The following IFT74 variants were observed in gnomAD, a reference collection of about 807,000 sequenced individuals.
The protein encoded by IFT74 is intraflagellar transport 74.
Under a neutral mutation model 96.7 loss-of-function variants are expected in IFT74, and 92 were observed. That is an observed-to-expected ratio of 0.95 (90% confidence interval 0.80 to 1.13). The LOEUF is 1.13. Among genes scored for constraint, IFT74 ranks in the 50% most tolerant of loss-of-function variants. The pLI is 0.00. For missense variants in IFT74, 811 were observed against 698.2 expected (o/e 1.16, Z -1.82); for synonymous variants, 223 against 213.2 (o/e 1.05, Z -0.40).
At chr9:26,948,993 C>A (rs994115117) in intron 1 of IFT74, among the ~76,000 whole-genome samples, 1 of 152,074 alleles carries the variant, frequency 6.6e-6, no homozygotes, top group Non-Finnish European at 1.5e-5. Context: ...TAGTTCAACA[C>A]CAGTTTATCT....
chr9:27,015,248 C>T (rs1829285482), intron 10 of IFT74, among the ~76,000 whole-genome samples: 1 of 152,102 alleles, frequency 6.6e-6, no homozygotes, highest in African/African-American at 2.4e-5. Flanking sequence ...TAATCTGTTA[C>T]TTGAACTGTA....
intron 4 of IFT74, 44 bp from the exon 5 acceptor site, chr9:26,984,213 C>A: frequency 6.8e-7 from 1 of 1,468,818 alleles, no homozygotes; most frequent in South Asian, 1.3e-5. Flanking sequence ...CTAGAGTTTT[C>A]TGGATTAAAA....
chr9:26,988,826 A>G (rs1353954743), intron 7 of IFT74, 98 bp downstream of exon 7: 57 of 1,085,202 alleles, frequency 5.3e-5, no homozygotes, highest in South Asian at 1.9e-5. Context: ...CTTAAGTGCT[A>G]TAGAGGTGAA....
chr9:27,051,386 A>G (rs1168471401), intron 16 of IFT74, among the ~76,000 whole-genome samples: 2 of 152,170 alleles, frequency 1.3e-5, no homozygotes, highest in Non-Finnish European at 2.9e-5. Flanking sequence ...TTCTTGATAT[A>G]TAACTACTGT....
rs545859640 is a variant in IFT74 at position 26,964,439 on chromosome 9, C to T, written c.120+2352C>T. ...TTCTTTTGGCTTAGTATTGACTTGG[C>T]GATGCGGGCTCTTTTTTGGTTCCAT... On this transcript the variant is annotated intron_variant, in intron 2 of 19. Transcript: ENST00000380062. Among the ~76,000 whole-genome samples, 1,131 of 150,866 alleles carry T rather than the reference C, an allele frequency of 7.5e-3. 3 individuals are homozygous for T. Among genetic ancestry groups the T allele is most frequent in the African/African-American group, 0.025 (1,034 of 40,980 alleles).
intron 8 of IFT74, among the ~76,000 whole-genome samples, chr9:27,003,919 C>T (rs189164180): frequency 1.2e-3 from 176 of 152,286 alleles, no homozygotes; most frequent in African/African-American, 3.9e-3. Context: ...TGTTCAGCTC[C>T]TTCAATGGCT....
chr9:27,062,967 G>A lies in IFT74; in HGVS notation c.*231G>A, dbSNP rs1820493160. 2.4e-6 allele frequency: 1 copy of A among 423,678 alleles called. No individual in the cohort carries two copies. The highest frequency in any genetic ancestry group is 4.7e-5 in the East Asian group (1 of 21,056). The allele number at this position is 423,678 out of a possible 1,614,324, so 26.2% of individuals were successfully genotyped here. On this transcript the variant is annotated 3_prime_UTR_variant, in exon 20 of 20. Coordinates refer to ENST00000380062, the MANE Select transcript of IFT74 (RefSeq NM_025103.4). ...TTTTCTTTTTATGCTACTTGTATTTGAACCAAGAGATAAAGAAACTAAAAG... is the reference window on the plus strand; with the variant it reads ...TTTTCTTTTTATGCTACTTGTATTTAAACCAAGAGATAAAGAAACTAAAAG...
intron 9 of IFT74, among the ~76,000 whole-genome samples, chr9:27,010,482 T>C (rs1355872685): frequency 7.1e-6 from 1 of 141,188 alleles, no homozygotes; most frequent in East Asian, 2.0e-4. Context: ...CCCCCTTTTT[T>C]TTGTTTTTTT....
chr9:27,036,318 T>C lies in IFT74; in HGVS notation c.1054+7214T>C, dbSNP rs1587394929. Reference sequence around the variant, plus strand: ...AGGGTCAACTGTATTTCCCAGAGAATGTATATTTAGAAAATTGGGTGAAAC... The same window carrying C: ...AGGGTCAACTGTATTTCCCAGAGAACGTATATTTAGAAAATTGGGTGAAAC... On this transcript the variant is annotated intron_variant, in intron 13 of 19. Transcript: ENST00000380062. 10 of 1,265,788 alleles carry C rather than the reference T, an allele frequency of 7.9e-6. No individual in the cohort carries two copies. In the East Asian group the frequency reaches 2.2e-4, roughly 27 times the overall value. The allele number at this position is 1,265,788 out of a possible 1,614,324, so 78.4% of individuals were successfully genotyped here.
intron 9 of IFT74, 52 bp downstream of exon 9, chr9:27,009,210 A>C (rs1203439705): frequency 1.3e-6 from 2 of 1,530,138 alleles, no homozygotes; most frequent in Non-Finnish European, 1.8e-6. Context: ...TGCTACTAAA[A>C]GTATAGTTTG....
intron 4 of IFT74, 30 bp downstream of exon 4, chr9:26,980,649 GT>G: frequency 7.1e-7 from 1 of 1,414,982 alleles, no homozygotes; most frequent in Non-Finnish European, 9.9e-7. Context: ...TCATCCGTAT[GT>G]TTTACTCGAA....
chr9:27,010,604 C>G (rs900915179), intron 9 of IFT74, among the ~76,000 whole-genome samples: 1 of 151,880 alleles, frequency 6.6e-6, no homozygotes, highest in African/African-American at 2.4e-5. Flanking sequence ...ATGCTCCTGC[C>G]TCAGCCTCCT....
chr9:27,020,402 A>G (rs895081857), intron 12 of IFT74, among the ~76,000 whole-genome samples: 1 of 150,800 alleles, frequency 6.6e-6, no homozygotes, highest in Non-Finnish European at 1.5e-5. Flanking sequence ...CTATATTCTT[A>G]TGGCTAAGAG....
At chr9:27,049,687 A>G (rs535909757) in intron 16 of IFT74, among the ~76,000 whole-genome samples, 4 of 152,318 alleles carry the variant, frequency 2.6e-5, no homozygotes, top group African/African-American at 9.6e-5. Flanking sequence ...GACAGTTATG[A>G]TACAATGAAA....
intron 8 of IFT74, chr9:26,997,600 A>T: frequency 1.0e-6 from 1 of 973,444 alleles, no homozygotes; most frequent in South Asian, 1.8e-5. Context: ...TCCCATAGTG[A>T]TGGGATTACA....
rs184842471 is a variant in IFT74, at chr9:27,047,839, C to T, written c.1207-309C>T. ...TTTATTGGGCATCTATTATGAAATG[C>T]ATGCCCCCCTTTCAATATTCTAGTG... On this transcript the variant is annotated intron_variant, in intron 15 of 19. Coordinates refer to ENST00000380062, the MANE Select transcript of IFT74 (RefSeq NM_025103.4). Among the ~76,000 whole-genome samples the T allele has an allele frequency of 2.1e-4, 32 of 152,180 alleles. No homozygotes were observed. The East Asian group carries it at 6.0e-3, about 28-fold the overall frequency.
At chr9:27,051,235 A>G (rs1280922662) in intron 16 of IFT74, among the ~76,000 whole-genome samples, 1 of 152,176 alleles carries the variant, frequency 6.6e-6, no homozygotes, top group Non-Finnish European at 1.5e-5. Flanking sequence ...TGCATACTGA[A>G]TGCTATTAAT....
At chr9:27,053,579 C>T (rs145278006) in intron 16 of IFT74, among the ~76,000 whole-genome samples, 113 of 152,258 alleles carry the variant, frequency 7.4e-4, no homozygotes, top group African/African-American at 2.1e-3. Flanking sequence ...TGCAACTTCA[C>T]GGCATATCAG....
chr9:27,007,228 C>G (rs1465389476), intron 8 of IFT74, among the ~76,000 whole-genome samples: 1 of 152,170 alleles, frequency 6.6e-6, no homozygotes, highest in Non-Finnish European at 1.5e-5. Context: ...AGACCTTACA[C>G]CTGGACATCA....
Sources: allele counts gnomAD v4.1 joint callset (sites outside exome capture counted in the v4.1 genomes callset), GRCh38; gene constraint gnomAD v4.1.1; transcripts MANE v1.5; gene names NCBI Gene and HGNC (gene_info 2026-07-23, HGNC 2026-07-21).